Variants in SLC39A11 observed in about 807,000 individuals in gnomAD.
SLC39A11 encodes the protein solute carrier family 39 member 11.
Under a neutral mutation model 36.1 loss-of-function variants are expected in SLC39A11, and 33 were observed. The observed-to-expected ratio is 0.91, with a 90% CI of 0.69 to 1.22. The LOEUF is 1.22. Ranked by LOEUF, SLC39A11 falls within the 50% of genes most tolerant of loss-of-function variation. The pLI is 0.00. For missense variants in SLC39A11, 432 were observed against 430.3 expected (o/e 1.00, Z -0.03); for synonymous variants, 166 against 170.3 (o/e 0.97, Z 0.20).
At chr17:73,056,125 C>A (rs573032879) in intron 3 of SLC39A11, among the ~76,000 whole-genome samples, 1 of 152,052 alleles carries the variant, frequency 6.6e-6, no homozygotes, top group Non-Finnish European at 1.5e-5. Flanking sequence ...CCCCACAGAG[C>A]CCCGAGGGTG....
chr17:72,799,358 G>A (rs955135005), intron 6 of SLC39A11, among the ~76,000 whole-genome samples: 6 of 152,062 alleles, frequency 3.9e-5, no homozygotes, highest in African/African-American at 1.2e-4. Flanking sequence ...TATGAAATCA[G>A]GGCACCTTGA....
intron 4 of SLC39A11, among the ~76,000 whole-genome samples, chr17:72,982,617 G>A (rs928077814): frequency 6.6e-6 from 1 of 151,724 alleles, no homozygotes; most frequent in Admixed American, 6.6e-5. Flanking sequence ...TTTCTTTAAA[G>A]TGGTGGAAAG....
intron 3 of SLC39A11, among the ~76,000 whole-genome samples, chr17:73,043,923 C>T (rs555099662): frequency 1.3e-5 from 2 of 152,218 alleles, no homozygotes; most frequent in South Asian, 4.1e-4. Flanking sequence ...ACTTAATTTG[C>T]TTTTATCAAG....
At chr17:72,952,147 AG>A (rs2085908353) in intron 4 of SLC39A11, among the ~76,000 whole-genome samples, 1 of 152,220 alleles carries the variant, frequency 6.6e-6, no homozygotes, top group Admixed American at 6.5e-5. Flanking sequence ...TGGGAGCTAC[AG>A]AAAGTATCTC....
At chr17:72,761,688 A>T (rs1015713615) in intron 6 of SLC39A11, among the ~76,000 whole-genome samples, 1 of 152,200 alleles carries the variant, frequency 6.6e-6, no homozygotes, top group Non-Finnish European at 1.5e-5. Flanking sequence ...GTCAAGCCCA[A>T]ACTTTTTCTT....
intron 3 of SLC39A11, among the ~76,000 whole-genome samples, chr17:73,034,129 C>A (rs1380263585): frequency 6.6e-6 from 1 of 152,206 alleles, no homozygotes; most frequent in Non-Finnish European, 1.5e-5. Flanking sequence ...CTTTGTCTTA[C>A]TAGCTTTAGA....
chr17:72,890,317 T>C (rs1275253582), intron 5 of SLC39A11, among the ~76,000 whole-genome samples: 1 of 147,700 alleles, frequency 6.8e-6, no homozygotes, highest in Non-Finnish European at 1.5e-5. Flanking sequence ...GGCAGAGGAA[T>C]GCAAAAAGAG....
intron 7 of SLC39A11, among the ~76,000 whole-genome samples, chr17:72,676,337 C>T (rs931800837): frequency 6.6e-6 from 1 of 152,102 alleles, no homozygotes; most frequent in African/African-American, 2.4e-5. Context: ...AGGGTGCCTT[C>T]AACAGAAATC....
At chr17:72,979,381 A>C (rs1237134686) in intron 4 of SLC39A11, among the ~76,000 whole-genome samples, 1 of 152,182 alleles carries the variant, frequency 6.6e-6, no homozygotes, top group Non-Finnish European at 1.5e-5. Context: ...TATGTAAGTG[A>C]GACAGATAAT....
chr17:72,957,971 C>T (rs562547767), intron 4 of SLC39A11, among the ~76,000 whole-genome samples: 8 of 152,132 alleles, frequency 5.3e-5, no homozygotes, highest in Non-Finnish European at 1.2e-4. Context: ...CCAGCCTGGG[C>T]GAAAGAGCAA....
intron 3 of SLC39A11, among the ~76,000 whole-genome samples, chr17:73,049,732 G>A (rs369498366): frequency 1.5e-4 from 23 of 152,272 alleles, no homozygotes; most frequent in Middle Eastern, 3.4e-3. Flanking sequence ...CAAATTCCCC[G>A]CCTGAGAGGG....
At chr17:72,683,589 T>G (rs2071607042) in intron 7 of SLC39A11, among the ~76,000 whole-genome samples, 1 of 152,068 alleles carries the variant, frequency 6.6e-6, no homozygotes, top group African/African-American at 2.4e-5. Context: ...CTCCCGCCTC[T>G]GCTTCCCAAA....
At chr17:72,664,947 C>T (rs541600776) in intron 7 of SLC39A11, among the ~76,000 whole-genome samples, 2 of 152,346 alleles carry the variant, frequency 1.3e-5, no homozygotes, top group Admixed American at 1.3e-4. Flanking sequence ...TTACTTCTAC[C>T]TTGGGGCATT....
At chr17:72,730,081 G>A (rs1399463466) in intron 7 of SLC39A11, among the ~76,000 whole-genome samples, 1 of 152,138 alleles carries the variant, frequency 6.6e-6, no homozygotes, top group Non-Finnish European at 1.5e-5. Context: ...TGAAATGAAC[G>A]TAAGCTTTCT....
chr17:72,783,212 C>G (rs1222068623), intron 6 of SLC39A11, among the ~76,000 whole-genome samples: 1 of 152,118 alleles, frequency 6.6e-6, no homozygotes, highest in Non-Finnish European at 1.5e-5. Context: ...GAATCTGAAT[C>G]TGCTGGCACC....
At position 72,861,841 on chromosome 17, in the gene SLC39A11, A is replaced by T. The variant is rs539239403; in HGVS notation, c.431-12037T>A. 1.4e-3 allele frequency among the ~76,000 whole-genome samples: 204 copies of T among 145,984 alleles called. 1 individual carries two copies. The highest frequency in any genetic ancestry group is 4.8e-3 in the African/African-American group (191 of 39,858). On this transcript the variant is annotated intron_variant, in intron 5 of 9. Coordinates refer to ENST00000255559, the MANE Select transcript of SLC39A11 (RefSeq NM_139177.4). ...ATTTTCAGGCTGATTTTTGTTCAAA[A>T]ATTGTATATATATATGACTTTTAGA...
rs569100122 is a variant in SLC39A11 at position 72,846,018 on chromosome 17, C to CTTTTTTTTTTTTTTTTTTTTT, written c.601+3595_601+3615dup. ...CCAATGAATCTCTCTCTCTCTCTCTCTTTTTTTTTTTTTTTTTTTTTTTTT... is the reference window on the plus strand; with the variant it reads ...CCAATGAATCTCTCTCTCTCTCTCTCTTTTTTTTTTTTTTTTTTTTTTTTTTTTTTTTTTTTTTTTTTTTTT... On this transcript the variant is annotated intron_variant, in intron 6 of 9. Transcript: ENST00000255559. Among the ~76,000 whole-genome samples, 17 of 57,956 alleles carry CTTTTTTTTTTTTTTTTTTTTT rather than the reference C, an allele frequency of 2.9e-4. 4 individuals carry two copies. The highest frequency in any genetic ancestry group is 9.4e-4 in the African/African-American group (11 of 11,710). 38.0% of individuals were successfully genotyped at this position (57,956 alleles called of 152,430 possible).
chr17:72,716,992 TACACACACACACACAC>T (rs367641582), intron 7 of SLC39A11, among the ~76,000 whole-genome samples: 3 of 126,464 alleles, frequency 2.4e-5, no homozygotes, highest in East Asian at 2.3e-4. Context: ...TATATATATA[TACACACACACACACAC>T]ACACACACAC....
rs200928496 is a variant in SLC39A11 at position 73,004,104 on chromosome 17, A to AAG, written c.306+27450_306+27451dup. Among the ~76,000 whole-genome samples, 11 of 149,958 alleles carry AAG rather than the reference A, an allele frequency of 7.3e-5. No homozygotes were observed. In the East Asian group the frequency reaches 1.6e-3, roughly 21 times the overall value. Reference sequence around the variant, plus strand: ...GTGTAAAGAAAGAAAGGAAGAAAGAAAGAGAGAGAGAGAGAAAGAAAGAAA... The same window carrying AAG: ...GTGTAAAGAAAGAAAGGAAGAAAGAAAGAGAGAGAGAGAGAGAAAGAAAGAAA... On this transcript the variant is annotated intron_variant, in intron 4 of 9. Transcript: ENST00000255559.
Sources: gnomAD v4.1 joint callset for allele counts (sites outside exome capture counted in the v4.1 genomes callset) on GRCh38, gnomAD v4.1.1 for gene constraint, MANE v1.5 for transcripts, NCBI Gene and HGNC (gene_info 2026-07-23, HGNC 2026-07-21) for gene names.